ADAMTSL1: variants seen among roughly 807,000 people sequenced by gnomAD.
ADAMTSL1 encodes ADAMTS like 1.
ADAMTSL1 carries 126 observed loss-of-function variants against 201.8 expected under a neutral mutation model. That is an observed-to-expected ratio of 0.62 (90% CI 0.54 to 0.72). ADAMTSL1 has a LOEUF of 0.72. Ranked by LOEUF, ADAMTSL1 falls within the 30% of genes least tolerant of loss-of-function variation. ADAMTSL1 has a pLI of 0.00. For missense variants in ADAMTSL1, 2,679 were observed against 2,277.8 expected (o/e 1.18, Z -3.59); for synonymous variants, 1,121 against 903.4 (o/e 1.24, Z -4.32).
At chr9:18,854,776 C>G (rs145353384) in intron 23 of ADAMTSL1, among the ~76,000 whole-genome samples, 45 of 152,266 alleles carry the variant, frequency 3.0e-4, no homozygotes, top group Non-Finnish European at 5.1e-4. Context: ...AAATGTCAAT[C>G]AACTCTCAAA....
intron 1 of ADAMTSL1, among the ~76,000 whole-genome samples, chr9:18,108,383 T>G (rs1824855818): frequency 6.6e-6 from 1 of 151,830 alleles, no homozygotes; most frequent in Non-Finnish European, 1.5e-5. Context: ...AATTTTTTGT[T>G]GAGACAAGGT....
chr9:18,619,807 T>A (rs758060892), intron 4 of ADAMTSL1, among the ~76,000 whole-genome samples: 1 of 152,128 alleles, frequency 6.6e-6, no homozygotes, highest in Non-Finnish European at 1.5e-5. Flanking sequence ...CCAGTTAGAT[T>A]TGGACGCCTG....
intron 2 of ADAMTSL1, among the ~76,000 whole-genome samples, chr9:18,274,414 A>C (rs1217667942): frequency 2.0e-5 from 3 of 152,164 alleles, no homozygotes; most frequent in Admixed American, 6.5e-5. Context: ...CCAAATAAGC[A>C]AGTTTTTCAT....
intron 19 of ADAMTSL1, among the ~76,000 whole-genome samples, chr9:18,794,933 T>G (rs572470898): frequency 1.5e-4 from 23 of 152,304 alleles, no homozygotes; most frequent in African/African-American, 5.3e-4. Flanking sequence ...TGAGCCATGG[T>G]GTCTGGCCAA....
intron 1 of ADAMTSL1, among the ~76,000 whole-genome samples, chr9:18,029,851 C>G (rs1044038838): frequency 6.6e-6 from 1 of 152,092 alleles, no homozygotes; most frequent in African/African-American, 2.4e-5. Flanking sequence ...AATGAGATAC[C>G]ATCTCACACC....
chr9:18,025,341 CAGA>C (rs1164420825), intron 1 of ADAMTSL1, among the ~76,000 whole-genome samples: 2 of 151,992 alleles, frequency 1.3e-5, no homozygotes, highest in African/African-American at 4.8e-5. Context: ...AGTTGATTTC[CAGA>C]AGATTACTTG....
intron 1 of ADAMTSL1, among the ~76,000 whole-genome samples, chr9:18,085,576 CACACTGTGTG>C (rs1823723611): frequency 2.0e-5 from 3 of 148,114 alleles, no homozygotes; most frequent in African/African-American, 5.0e-5. Flanking sequence ...TACATATATA[CACACTGTGTG>C]TGTGTATACG....
chr9:18,106,553 C>T (rs1037838791), intron 1 of ADAMTSL1, among the ~76,000 whole-genome samples: 4 of 152,068 alleles, frequency 2.6e-5, no homozygotes, highest in Admixed American at 6.6e-5. Context: ...AAAGACAGCC[C>T]GAGTTTAAGA....
intron 23 of ADAMTSL1, among the ~76,000 whole-genome samples, chr9:18,863,536 A>G (rs1006704796): frequency 5.3e-5 from 8 of 152,232 alleles, no homozygotes; most frequent in Admixed American, 1.3e-4. Context: ...GGGAGGTCCC[A>G]GAAATCGGAG....
Position 18,777,138 on chromosome 9 carries a change from G to A in ADAMTSL1, c.2909G>A (p.Arg970Gln), listed in dbSNP as rs1330626830. 6.2e-6 allele frequency: 10 copies of A among 1,612,998 alleles called. No individual in the cohort carries two copies. Among genetic ancestry groups the A allele is most frequent in the Non-Finnish European group, 7.6e-6 (9 of 1,179,822 alleles). The change falls in exon 19 of 29, where the codon CGG becomes CAG. Residue 970 changes from arginine (R) to glutamine (Q), a missense_variant. Arg to Gln is a conservative substitution (Grantham distance 43). Transcript: ENST00000380548. ...LIGGNRKLVA[R>Q]PLSPRSEEEV... is the part of the protein sequence containing the mutation. ...GGAGGCAACCGCAAGCTCGTGGCCC[G>A]GCCCTTGAGCCCGAGAAGTGAGGAA...
chr9:18,177,381 T>G (rs191043241), intron 2 of ADAMTSL1, among the ~76,000 whole-genome samples: 58 of 152,344 alleles, frequency 3.8e-4, no homozygotes, highest in Admixed American at 3.4e-3. Flanking sequence ...TAATAATGCA[T>G]GACACTGATG....
chr9:17,913,016 G>A lies in ADAMTSL1; in HGVS notation c.87+6094G>A, dbSNP rs187764354. The stretch of plus-strand genomic sequence containing the variant: ...GTTGTAGATATGTGGCGTTATTTCT[G>A]AGGGCTCTGTTCTGTTCTGTTCTGT... On this transcript the variant is annotated intron_variant, in intron 1 of 29. Transcript: ENST00000680146. Among the ~76,000 whole-genome samples the A allele has an allele frequency of 1.8e-3, 270 of 152,242 alleles. 2 individuals carry two copies. The highest frequency in any genetic ancestry group is 2.9e-3 in the Non-Finnish European group (194 of 68,018).
chr9:18,282,966 G>C (rs528441913), intron 2 of ADAMTSL1, among the ~76,000 whole-genome samples: 1 of 152,106 alleles, frequency 6.6e-6, no homozygotes, highest in Non-Finnish European at 1.5e-5. Context: ...AGTTAGTTCT[G>C]GTGGTTTATA....
intron 2 of ADAMTSL1, among the ~76,000 whole-genome samples, chr9:18,313,568 G>A (rs951632489): frequency 1.3e-5 from 2 of 152,146 alleles, no homozygotes; most frequent in Admixed American, 6.5e-5. Context: ...CCAAGAAAAG[G>A]ATAGTCTTTC....
chr9:18,437,734 G>A (rs1819802914), intron 2 of ADAMTSL1, among the ~76,000 whole-genome samples: 1 of 152,052 alleles, frequency 6.6e-6, no homozygotes, highest in Non-Finnish European at 1.5e-5. Context: ...ACCCAGAACA[G>A]TGATAAGCAA....
At position 18,052,728 on chromosome 9, in the gene ADAMTSL1, A is replaced by G. The variant is rs1232924656; in HGVS notation, c.88-111134A>G. 2.6e-5 allele frequency among the ~76,000 whole-genome samples: 4 copies of G among 151,898 alleles called. No individual in the cohort carries two copies. The East Asian group carries it at 5.8e-4, about 22-fold the overall frequency. ...CATCATCATCATTCTTTTTTATTTT[A>G]CTATTTTAGGAGTCTTTTTAATGTT... On this transcript the variant is annotated intron_variant, in intron 1 of 29. Coordinates refer to the ADAMTSL1 transcript ENST00000680146.
intron 2 of ADAMTSL1, among the ~76,000 whole-genome samples, chr9:18,513,737 C>G (rs1818181183): frequency 6.6e-6 from 1 of 152,108 alleles, no homozygotes; most frequent in Admixed American, 6.5e-5. Context: ...AGCACCTTTC[C>G]CCATTGTGTA....
chr9:18,206,229 AT>A (rs1418599564), intron 2 of ADAMTSL1, among the ~76,000 whole-genome samples: 1 of 151,916 alleles, frequency 6.6e-6, no homozygotes, highest in Non-Finnish European at 1.5e-5. Flanking sequence ...AAGCTGATGT[AT>A]TTTTTTGTGT....
At position 18,577,854 on chromosome 9, in the gene ADAMTSL1, A is replaced by G. The variant is rs531388619; in HGVS notation, c.474+3588A>G. 1.8e-4 allele frequency among the ~76,000 whole-genome samples: 27 copies of G among 152,336 alleles called. No individual in the cohort carries two copies. In the South Asian group the frequency reaches 4.3e-3, roughly 25 times the overall value. ...AAAAAGAGACCTTCTACCATGTACT[A>G]TCCCCATCATCATTTCACAATTGAA... On this transcript the variant is annotated intron_variant, in intron 4 of 28. Transcript: ENST00000380548.
Sources: gnomAD v4.1 joint callset for allele counts (sites outside exome capture counted in the v4.1 genomes callset) on GRCh38, gnomAD v4.1.1 for gene constraint, MANE v1.5 for transcripts, NCBI Gene and HGNC (gene_info 2026-07-23, HGNC 2026-07-21) for gene names.